Variants in TECR observed in about 807,000 individuals in gnomAD.
TECR encodes the protein very-long-chain enoyl-CoA reductase.
A neutral mutation model predicts 50.6 loss-of-function variants in TECR; 19 were observed. That is an observed-to-expected ratio of 0.38 (90% CI 0.26 to 0.55). The LOEUF (loss-of-function observed/expected upper bound fraction) is 0.55, where lower values mean the gene tolerates loss of function less well. Ranked by LOEUF, TECR falls within the 20% of genes least tolerant of loss-of-function variation. TECR has a pLI of 0.79. For synonymous variants in TECR, 168 were observed against 163.5 expected (o/e 1.03, Z -0.21); for missense variants, 313 against 408.3 (o/e 0.77, Z 2.01).
intron 1 of TECR, among the ~76,000 whole-genome samples, chr19:14,559,284 A>G (rs1273793463): frequency 6.6e-6 from 1 of 151,988 alleles, no homozygotes; most frequent in Non-Finnish European, 1.5e-5. Context: ...CTCGTCCCAG[A>G]ACATTTTCCT....
chr19:14,561,386 C>G (rs183031005), intron 1 of TECR, among the ~76,000 whole-genome samples: 22 of 152,268 alleles, frequency 1.4e-4, no homozygotes, highest in Non-Finnish European at 2.2e-4. Context: ...TAGGATTGCA[C>G]TGACCCCTGC....
chr19:14,550,266 G>A (rs772887492), intron 1 of TECR, among the ~76,000 whole-genome samples: 87 of 152,222 alleles, frequency 5.7e-4, no homozygotes, highest in African/African-American at 1.9e-3. Flanking sequence ...ATGAGCCTCC[G>A]TGCCTGGCTG....
intron 6 of TECR, 23 bp downstream of exon 6, chr19:14,564,120 G>A (rs1217881870): frequency 3.1e-6 from 5 of 1,608,690 alleles, no homozygotes; most frequent in Non-Finnish European, 8.5e-7. Flanking sequence ...GGTGGGAGGA[G>A]GGTAGGGGAA....
At chr19:14,538,038 G>T (rs984280598) in intron 1 of TECR, among the ~76,000 whole-genome samples, 2 of 152,156 alleles carry the variant, frequency 1.3e-5, no homozygotes, top group Admixed American at 6.6e-5. Context: ...GAGCCACTGC[G>T]CCGGCAGTGT....
chr19:14,532,779 TAAC>T (rs1370261282), intron 1 of TECR, among the ~76,000 whole-genome samples: 2 of 152,100 alleles, frequency 1.3e-5, no homozygotes, highest in African/African-American at 2.4e-5. Context: ...CACTCACACT[TAAC>T]AAGCAATTTG....
intron 11 of TECR, 135 bp from the exon 12 acceptor site, chr19:14,565,483 C>T (rs2074051714): frequency 6.3e-6 from 9 of 1,434,692 alleles, no homozygotes; most frequent in Non-Finnish European, 8.5e-6. Context: ...CGTATACAGC[C>T]CCGCCTCCGC....
chr19:14,546,617 G>A (rs973241526), intron 1 of TECR, among the ~76,000 whole-genome samples: 6 of 152,122 alleles, frequency 3.9e-5, no homozygotes, highest in South Asian at 2.1e-4. Flanking sequence ...ATGCACTACC[G>A]TGTCTAGCCT....
At chr19:14,547,218 A>G (rs2073338107) in intron 1 of TECR, among the ~76,000 whole-genome samples, 1 of 152,248 alleles carries the variant, frequency 6.6e-6, no homozygotes, top group South Asian at 2.1e-4. Flanking sequence ...AGATAGATTT[A>G]ACAGAGTCCT....
Position 14,564,953 on chromosome 19 carries a change from CG to C in TECR, c.569del (p.Gly190GlufsTer5). 2 of 1,614,078 alleles carry C rather than the reference CG, an allele frequency of 1.2e-6. No homozygotes were observed. Among genetic ancestry groups the C allele is most frequent in the Non-Finnish European group, 1.7e-6 (2 of 1,180,030 alleles). ...NHPLYTPPTY[G>X]AQQVKLALAI... ...CCCTCCCTGCTTCCTCTTCAGCCTACGGAGCTCAGCAGGTGAAACTGGCGCT... is the reference window on the plus strand; with the variant it reads ...CCCTCCCTGCTTCCTCTTCAGCCTACGAGCTCAGCAGGTGAAACTGGCGCT... On this transcript the variant is annotated frameshift_variant, in exon 9 of 13. Transcript: ENST00000215567. LOFTEE classifies it high-confidence loss of function.
intron 1 of TECR, chr19:14,532,243 C>T (rs912143954): frequency 1.3e-5 from 2 of 152,002 alleles, no homozygotes; most frequent in African/African-American, 4.8e-5. Context: ...CTTTTCTCTC[C>T]CAGAAAGAAG....
chr19:14,557,181 CCAGGCTGGAGTGCAATGG>C (rs1418668733), intron 1 of TECR, among the ~76,000 whole-genome samples: 1 of 147,774 alleles, frequency 6.8e-6, no homozygotes, highest in East Asian at 2.0e-4. Context: ...GCTGTGTCGC[CCAGGCTGGAGTGCAATGG>C]CATAAACTCA....
At chr19:14,545,917 G>C (rs1454641651) in intron 1 of TECR, 1 of 152,394 alleles carries the variant, frequency 6.6e-6, no homozygotes, top group Non-Finnish European at 1.5e-5. Context: ...AGGCAGAGCT[G>C]AGTGGCTCAG....
At chr19:14,564,410 C>G (rs1444331220) in intron 7 of TECR, 123 bp downstream of exon 7, 2 of 835,270 alleles carry the variant, frequency 2.4e-6, no homozygotes, top group African/African-American at 1.8e-5. Context: ...AGCCCTACCC[C>G]TAGGCCCCGC....
Position 14,565,022 on chromosome 19 carries a change from G to A in TECR, c.606+30G>A, listed in dbSNP as rs376722426. On this transcript the variant is annotated intron_variant, in intron 9 of 12. Transcript: ENST00000215567. ...GGAGGCTGGGTGTGGGGACGGGGTCGGGGGAGTCTGGGCGGCCCTAGGCTG... is the reference window on the plus strand; with the variant it reads ...GGAGGCTGGGTGTGGGGACGGGGTCAGGGGAGTCTGGGCGGCCCTAGGCTG... 614 of 1,613,742 alleles carry A rather than the reference G, an allele frequency of 3.8e-4. No homozygotes were observed. The highest frequency in any genetic ancestry group is 5.1e-4 in the Non-Finnish European group (598 of 1,180,006).
chr19:14,535,565 T>TAC (rs2072860388), intron 1 of TECR, among the ~76,000 whole-genome samples: 1 of 13,968 alleles, frequency 7.2e-5, no homozygotes, highest in Non-Finnish European at 1.6e-4. Context: ...TATATATATA[T>TAC]ATATATATAT....
chr19:14,550,031 C>T (rs116555863), intron 1 of TECR, among the ~76,000 whole-genome samples: 3,176 of 152,032 alleles, frequency 0.021, 48 homozygotes, highest in Non-Finnish European at 0.023. Context: ...CTTTCCATGT[C>T]GCACGTCACC....
At chr19:14,531,288 C>G (rs188560402) in intron 1 of TECR, 47 of 152,174 alleles carry the variant, frequency 3.1e-4, no homozygotes, top group Admixed American at 2.9e-3. Flanking sequence ...TTGCCCTCCT[C>G]GGCCTCCCAA....
chr19:14,547,792 T>C (rs1254887745), intron 1 of TECR, among the ~76,000 whole-genome samples: 2 of 151,760 alleles, frequency 1.3e-5, no homozygotes, highest in African/African-American at 4.8e-5. Flanking sequence ...CTGATTATGC[T>C]AGGACTACAG....
At chr19:14,548,268 G>A (rs12460236) in intron 1 of TECR, among the ~76,000 whole-genome samples, 28,963 of 151,924 alleles carry the variant, frequency 0.19, 3,357 homozygotes, top group South Asian at 0.42. Flanking sequence ...GGCCTAATGG[G>A]CATTTCAAAC....
Sources: gnomAD v4.1 joint callset for allele counts (sites outside exome capture counted in the v4.1 genomes callset) on GRCh38, gnomAD v4.1.1 for gene constraint, MANE v1.5 for transcripts, NCBI Gene and HGNC (gene_info 2026-07-23, HGNC 2026-07-21) for gene names.